PALS2: variants seen among roughly 807,000 people sequenced by gnomAD.
PALS2 encodes the protein protein associated with LIN7 2, MAGUK p55 family member.
PALS2 carries 27 observed loss-of-function variants against 61.6 expected under a neutral mutation model. The observed-to-expected ratio is 0.44, with a 90% CI of 0.32 to 0.60. The LOEUF (loss-of-function observed/expected upper bound fraction) is 0.60. PALS2 is among the 20% of genes least tolerant of loss of function. PALS2 has a pLI of 0.05. For synonymous variants in PALS2, 236 were observed against 218.6 expected (o/e 1.08, Z -0.70); for missense variants, 554 against 639.4 (o/e 0.87, Z 1.44).
chr7:24,581,005 G>A (rs1782819605), intron 1 of PALS2, among the ~76,000 whole-genome samples: 1 of 152,156 alleles, frequency 6.6e-6, no homozygotes, highest in South Asian at 2.1e-4. Context: ...AGACTTAGTG[G>A]CTTATAAATA....
chr7:24,641,676 A>C, intron 2 of PALS2, 40 bp from the exon 3 acceptor site: 1 of 1,486,466 alleles, frequency 6.7e-7, no homozygotes, highest in Non-Finnish European at 9.1e-7. Flanking sequence ...TGCAAATAAC[A>C]AATAAGTATT....
chr7:24,633,131 A>AAG (rs1375780209), intron 2 of PALS2, among the ~76,000 whole-genome samples: 2 of 152,132 alleles, frequency 1.3e-5, no homozygotes, highest in Non-Finnish European at 2.9e-5. Context: ...AGAAAAATAA[A>AAG]AGATTTTATT....
rs183727191 is a variant in PALS2, at chr7:24,573,760, C to A, written c.-3+167C>A. Among the ~76,000 whole-genome samples, 775 of 146,360 alleles carry A rather than the reference C, an allele frequency of 5.3e-3. 7 individuals are homozygous for A. The highest frequency in any genetic ancestry group is 0.017 in the African/African-American group (713 of 40,806). ...GGCGCGGGGAAGAGGGACCGGCAGG[C>A]GGCGGCGGCGGCGCCGCGGTCGGGG... On this transcript the variant is annotated intron_variant, in intron 1 of 11. Coordinates refer to ENST00000222644, the MANE Select transcript of PALS2 (RefSeq NM_001303037.2). The surrounding 1 kb of genome is among the most constrained non-coding windows in gnomAD (Gnocchi z 5.3).
At chr7:24,632,239 C>G (rs1175952584) in intron 2 of PALS2, among the ~76,000 whole-genome samples, 2 of 152,152 alleles carry the variant, frequency 1.3e-5, no homozygotes, top group South Asian at 2.1e-4. Context: ...GAAGTCTGCC[C>G]TGTCTGAAAT....
chr7:24,682,349 A>T (rs923046095), intron 11 of PALS2, among the ~76,000 whole-genome samples: 2 of 152,146 alleles, frequency 1.3e-5, no homozygotes, highest in African/African-American at 4.8e-5. Flanking sequence ...CTTCAGCCGA[A>T]TGCTGGAAGG....
At chr7:24,666,581 G>T (rs926469718) in intron 8 of PALS2, among the ~76,000 whole-genome samples, 7 of 152,082 alleles carry the variant, frequency 4.6e-5, no homozygotes, top group Non-Finnish European at 8.8e-5. Context: ...CATACAGAAA[G>T]AAATATATTT....
intron 9 of PALS2, 146 bp downstream of exon 9, chr7:24,668,806 A>C (rs1787161162): frequency 1.0e-6 from 1 of 996,542 alleles, no homozygotes; most frequent in East Asian, 2.6e-5. Context: ...AAAGACATTG[A>C]AAAATTTAGT....
intron 1 of PALS2, among the ~76,000 whole-genome samples, chr7:24,574,860 T>A (rs1325973752): frequency 6.6e-6 from 1 of 152,204 alleles, no homozygotes; most frequent in Non-Finnish European, 1.5e-5. Context: ...CGGTATATAG[T>A]TTCCGTATAT....
At chr7:24,578,354 G>A (rs1304193439) in intron 1 of PALS2, among the ~76,000 whole-genome samples, 1 of 152,146 alleles carries the variant, frequency 6.6e-6, no homozygotes, top group Admixed American at 6.5e-5. Context: ...CTGAGGTCAT[G>A]TTCTTTCTGA....
In PALS2 at chr7:24,573,769, C is replaced by T. The variant is rs1324812100; in HGVS notation, c.-3+176C>T. 3.4e-5 allele frequency among the ~76,000 whole-genome samples: 5 copies of T among 146,756 alleles called. No homozygotes were observed. Among genetic ancestry groups the T allele is most frequent in the Admixed American group, 6.8e-5 (1 of 14,766 alleles). ...AAGAGGGACCGGCAGGCGGCGGCGG[C>T]GGCGCCGCGGTCGGGGAGGCTGCTG... On this transcript the variant is annotated intron_variant, in intron 1 of 11. Transcript: ENST00000222644. This position sits in a 1 kb window ranked among gnomAD's most constrained non-coding sequence, Gnocchi z 5.3.
intron 5 of PALS2, among the ~76,000 whole-genome samples, chr7:24,658,840 C>T (rs1786566039): frequency 6.6e-6 from 1 of 152,056 alleles, no homozygotes; most frequent in Non-Finnish European, 1.5e-5. Flanking sequence ...CAGGTGTGAG[C>T]CACTGCACCC....
In PALS2 at chr7:24,650,514, T is replaced by G. The variant is rs1406745518; in HGVS notation, c.453T>G (p.Asp151Glu). Residue 151 changes from aspartate to glutamate, a missense_variant, in exon 5 of 12, where the codon GAT becomes GAG. Asp to Glu is a conservative substitution (Grantham distance 45). Coordinates refer to ENST00000222644, the MANE Select transcript of PALS2 (RefSeq NM_001303037.2). ...LGVTFRVENN[D>E]LVIARILHGG... ...TGACATTTAGGGTTGAAAATAATGA[T>G]CTGGTAATTGCCCGAATCCTCCATG... is the stretch of plus-strand genomic sequence containing the variant. The G allele has an allele frequency of 6.2e-7, 1 of 1,606,270 alleles. No homozygotes were observed. The highest frequency in any genetic ancestry group is 8.5e-7 in the Non-Finnish European group (1 of 1,177,784).
chr7:24,578,539 C>G (rs897538347), intron 1 of PALS2, among the ~76,000 whole-genome samples: 4 of 152,188 alleles, frequency 2.6e-5, no homozygotes, highest in African/African-American at 7.2e-5. Flanking sequence ...CAGGGCACAT[C>G]ATATCGTTTC....
chr7:24,583,052 G>A (rs889439065), intron 1 of PALS2, among the ~76,000 whole-genome samples: 1 of 151,500 alleles, frequency 6.6e-6, no homozygotes, highest in Non-Finnish European at 1.5e-5. Context: ...GTGCCACCAC[G>A]CCCAGCTAAT....
At chr7:24,665,127 C>G (rs1266751350) in intron 6 of PALS2, among the ~76,000 whole-genome samples, 1 of 151,888 alleles carries the variant, frequency 6.6e-6, no homozygotes, top group Non-Finnish European at 1.5e-5. Context: ...TTGGGATATT[C>G]AGACTCCTGG....
chr7:24,632,983 CTT>C (rs1785065963), intron 2 of PALS2, among the ~76,000 whole-genome samples: 1 of 151,872 alleles, frequency 6.6e-6, no homozygotes, highest in Admixed American at 6.6e-5. Context: ...CATCATACCA[CTT>C]ACAGTGCAAC....
chr7:24,600,217 G>A (rs1783669635), intron 1 of PALS2, among the ~76,000 whole-genome samples: 1 of 152,132 alleles, frequency 6.6e-6, no homozygotes, highest in Non-Finnish European at 1.5e-5. Flanking sequence ...GCTTGTTGAA[G>A]TCTGCAAAAA....
chr7:24,611,538 G>A (rs1488144659), intron 1 of PALS2, among the ~76,000 whole-genome samples: 1 of 151,810 alleles, frequency 6.6e-6, no homozygotes, highest in Non-Finnish European at 1.5e-5. Flanking sequence ...AGTTGTTGGG[G>A]ATGCAAAGAT....
intron 1 of PALS2, among the ~76,000 whole-genome samples, chr7:24,601,788 G>A (rs1364512268): frequency 6.6e-6 from 1 of 152,050 alleles, no homozygotes; most frequent in African/African-American, 2.4e-5. Flanking sequence ...AGGCATCATT[G>A]CATCATCTTC....
Sources: gnomAD v4.1 joint callset for allele counts (sites outside exome capture counted in the v4.1 genomes callset) on GRCh38, gnomAD v4.1.1 for gene constraint, Gnocchi (gnomAD v3.1) non-coding constraint, MANE v1.5 for transcripts, NCBI Gene and HGNC (gene_info 2026-07-23, HGNC 2026-07-21) for gene names.